The following ZNF831 variants were observed in gnomAD, a reference collection of about 807,000 sequenced individuals.
The protein encoded by ZNF831 is zinc finger protein 831.
Under a neutral mutation model 95.8 loss-of-function variants are expected in ZNF831, and 59 were observed. The observed-to-expected ratio is 0.62, with a 90% confidence interval of 0.50 to 0.77. ZNF831 has a LOEUF of 0.77. Among genes scored for constraint, ZNF831 ranks in the 30% least tolerant of loss-of-function variants. The pLI is 0.00. For synonymous variants in ZNF831, 961 were observed against 925.5 expected (o/e 1.04, Z -0.70); for missense variants, 2,205 against 2,164.0 (o/e 1.02, Z -0.38).
intron 1 of ZNF831, among the ~76,000 whole-genome samples, chr20:59,185,861 T>C (rs1982986278): frequency 6.6e-6 from 1 of 152,172 alleles, no homozygotes; most frequent in South Asian, 2.1e-4. Flanking sequence ...CCAGTTTCCT[T>C]AGGGTTTGGG....
chr20:59,172,506 G>A (rs935015487), intron 1 of ZNF831, among the ~76,000 whole-genome samples: 2 of 152,204 alleles, frequency 1.3e-5, no homozygotes, highest in Non-Finnish European at 2.9e-5. Flanking sequence ...CTCCTGAAGA[G>A]GGGCCTTCTG....
At chr20:59,123,685 C>A (rs561590495) in intron 1 of ZNF831, among the ~76,000 whole-genome samples, 1 of 128,234 alleles carries the variant, frequency 7.8e-6, no homozygotes, top group South Asian at 2.3e-4. Context: ...TCAAGGAGAG[C>A]GATGTGGAGG....
chr20:59,142,951 C>A (rs1979728015), intron 1 of ZNF831, among the ~76,000 whole-genome samples: 1 of 152,120 alleles, frequency 6.6e-6, no homozygotes, highest in African/African-American at 2.4e-5. Flanking sequence ...GGCTGGAGTG[C>A]AGTGGCACGA....
chr20:59,244,254 T>C (rs1039274262), intron 4 of ZNF831, among the ~76,000 whole-genome samples: 1 of 152,204 alleles, frequency 6.6e-6, no homozygotes, highest in African/African-American at 2.4e-5. Context: ...AGAAATACTC[T>C]AGATTTGGCT....
chr20:59,232,312 G>A (rs1187085485), intron 4 of ZNF831, among the ~76,000 whole-genome samples: 2 of 152,156 alleles, frequency 1.3e-5, no homozygotes, highest in East Asian at 3.9e-4. Flanking sequence ...ATTAAATGGA[G>A]TTTAAAAAAT....
intron 4 of ZNF831, among the ~76,000 whole-genome samples, chr20:59,243,857 TAAG>T (rs1987459273): frequency 6.6e-6 from 1 of 152,218 alleles, no homozygotes; most frequent in Non-Finnish European, 1.5e-5. Context: ...CATTTAGAGT[TAAG>T]AAAGTTTGAA....
upstream of ZNF831, chr20:59,159,695 G>T (rs1194168633): frequency 3.3e-5 from 5 of 152,228 alleles, no homozygotes; most frequent in Admixed American, 2.0e-4. Context: ...GAGAGCATGC[G>T]GTGGATGTTA....
At position 59,191,925 on chromosome 20, in the gene ZNF831, A is replaced by G. The variant is rs2146556465; in HGVS notation, c.906A>G (p.Pro302=). 6.2e-7 allele frequency: 1 copy of G among 1,611,180 alleles called. No homozygotes were observed. Among genetic ancestry groups the G allele is most frequent in the East Asian group, 2.2e-5 (1 of 44,802 alleles). The change falls in exon 2 of 6, where the codon CCA becomes CCG. Residue 302 remains proline (P), a synonymous_variant. Transcript: ENST00000371030. ...AASTQPWRKL[P]EQKSPTAGKP... Reference sequence around the variant, plus strand: ...GCACACAACCCTGGCGTAAGTTGCCAGAGCAGAAGTCGCCGACCGCCGGGA... The same window carrying G: ...GCACACAACCCTGGCGTAAGTTGCCGGAGCAGAAGTCGCCGACCGCCGGGA...
chr20:59,135,730 CA>C (rs201574489), intron 1 of ZNF831, among the ~76,000 whole-genome samples: 5 of 150,532 alleles, frequency 3.3e-5, no homozygotes, highest in South Asian at 2.1e-4. Flanking sequence ...GACTCCATCT[CA>C]AAAAAAAATA....
At chr20:59,128,044 G>A (rs553224629) in intron 1 of ZNF831, among the ~76,000 whole-genome samples, 3 of 152,218 alleles carry the variant, frequency 2.0e-5, no homozygotes, top group South Asian at 2.1e-4. Flanking sequence ...GCAACCGTGC[G>A]TGTGCAGCAC....
chr20:59,219,341 C>T lies in ZNF831; in HGVS notation c.4027+12285C>T, dbSNP rs144275150. Among the ~76,000 whole-genome samples the T allele has an allele frequency of 1.8e-4, 27 of 152,278 alleles. No individual in the cohort carries two copies. The East Asian group carries it at 5.2e-3, about 29-fold the overall frequency. The stretch of plus-strand genomic sequence containing the variant: ...GTAATTACTGGGGCCTGTTCTGTGC[C>T]AGGCAATGTGTGGGAGCAGGAAGAG... On this transcript the variant is annotated intron_variant, in intron 4 of 5. Transcript: ENST00000371030.
chr20:59,140,359 T>C (rs1240550708), intron 1 of ZNF831, among the ~76,000 whole-genome samples: 1 of 152,176 alleles, frequency 6.6e-6, no homozygotes, highest in African/African-American at 2.4e-5. Flanking sequence ...GCAAATCCAT[T>C]GGGTGCCTAA....
At chr20:59,210,660 C>T (rs1985236507) in intron 4 of ZNF831, among the ~76,000 whole-genome samples, 1 of 152,194 alleles carries the variant, frequency 6.6e-6, no homozygotes, top group South Asian at 2.1e-4. Flanking sequence ...TTCTTCCCTT[C>T]AGCCTCAGGG....
intron 1 of ZNF831, among the ~76,000 whole-genome samples, chr20:59,136,603 C>T (rs1568721988): frequency 6.6e-6 from 1 of 152,136 alleles, no homozygotes; most frequent in Non-Finnish European, 1.5e-5. Context: ...CTGTAGCTCC[C>T]TCTTGATTGC....
intron 3 of ZNF831, among the ~76,000 whole-genome samples, chr20:59,200,677 T>C (rs1407450241): frequency 1.3e-5 from 2 of 152,202 alleles, no homozygotes; most frequent in Non-Finnish European, 2.9e-5. Flanking sequence ...ATGTGCTTTC[T>C]GTCACATAGG....
At position 59,193,053 on chromosome 20, in the gene ZNF831, C is replaced by A. The variant is rs539039149; in HGVS notation, c.2034C>A (p.Thr678=). ...CAGTCCCCACCCAAGACAGGAGGAC[C>A]CCTGTCCATGAGGACATATCCGCAG... ...SGTVPTQDRR[T]PVHEDISAGA... Residue 678 remains threonine, a synonymous_variant, in exon 2 of 6, where the codon ACC becomes ACA. Transcript: ENST00000371030. The A allele has an allele frequency of 1.3e-6, 2 of 1,579,656 alleles. No homozygotes were observed. Among genetic ancestry groups the A allele is most frequent in the African/African-American group, 1.3e-5 (1 of 74,220 alleles).
In ZNF831 at chr20:59,135,305, A is replaced by G. The variant is rs1429446921; in HGVS notation, c.-1424-10926A>G. ...AAAGGTAAAATCAAGAAGTTGGCAG[A>G]GCTGGGTGTGGCAACTCATGCCTGG... is the stretch of plus-strand genomic sequence containing the variant. On this transcript the variant is annotated intron_variant, in intron 1 of 7. Transcript: ENST00000637017. Among the ~76,000 whole-genome samples, 7 of 152,316 alleles carry G rather than the reference A, an allele frequency of 4.6e-5. No homozygotes were observed. In the East Asian group the frequency reaches 1.3e-3, roughly 29 times the overall value.
chr20:59,206,829 C>A, intron 3 of ZNF831, 76 bp from the exon 4 acceptor site: 1 of 1,543,172 alleles, frequency 6.5e-7, no homozygotes, highest in Non-Finnish European at 8.8e-7. Context: ...CTGGGCACCC[C>A]ACAGTGACTT....
chr20:59,126,672 T>C (rs1979180465), intron 1 of ZNF831, among the ~76,000 whole-genome samples: 1 of 152,230 alleles, frequency 6.6e-6, no homozygotes, highest in Non-Finnish European at 1.5e-5. Flanking sequence ...TCCATATGCA[T>C]GCATGGCCTG....
Sources: gnomAD v4.1 joint callset for allele counts (sites outside exome capture counted in the v4.1 genomes callset) on GRCh38, gnomAD v4.1.1 for gene constraint, MANE v1.5 for transcripts, NCBI Gene and HGNC (gene_info 2026-07-23, HGNC 2026-07-21) for gene names.